Variants in PDGFRB observed in about 807,000 individuals in gnomAD.
The protein encoded by PDGFRB is platelet derived growth factor receptor beta, also known as platelet-derived growth factor receptor beta.
A neutral mutation model predicts 120.2 loss-of-function variants in PDGFRB; 42 were observed. The observed-to-expected ratio is 0.35, with a 90% CI of 0.27 to 0.45. PDGFRB has a LOEUF of 0.45. Among genes scored for constraint, PDGFRB ranks in the 20% least tolerant of loss-of-function variants. PDGFRB has a pLI of 1.00. For synonymous variants in PDGFRB, 586 were observed against 606.8 expected (o/e 0.97, Z 0.50); for missense variants, 1,149 against 1,476.3 (o/e 0.78, Z 3.63).
intron 1 of PDGFRB, among the ~76,000 whole-genome samples, chr5:150,143,366 TG>T (rs1760833305): frequency 6.6e-6 from 1 of 152,170 alleles, no homozygotes; most frequent in South Asian, 2.1e-4. Context: ...AAGAGTGTCT[TG>T]GGAGCACTTT....
At chr5:150,123,672 T>C (rs1760210090) in intron 14 of PDGFRB, among the ~76,000 whole-genome samples, 1 of 152,230 alleles carries the variant, frequency 6.6e-6, no homozygotes, top group Admixed American at 6.5e-5. Context: ...AACGAAAATG[T>C]TGAAATGAGC....
intron 22 of PDGFRB, 22 bp downstream of exon 22, chr5:150,117,596 G>T (rs2113883415): frequency 7.6e-7 from 1 of 1,316,892 alleles, no homozygotes; most frequent in Non-Finnish European, 1.1e-6. Context: ...CAATTTCCTT[G>T]GCCCCAGGCC....
Position 150,151,587 on chromosome 5 carries a change from G to A in PDGFRB, c.-7+3810C>T, listed in dbSNP as rs576649941. ...AAATGGGGAGAGTTTAGCTGGGTGC[G>A]GTGGCTCACGCCTGTAATCCCAGCA... On this transcript the variant is annotated intron_variant, in intron 1 of 22. Coordinates refer to ENST00000261799, the MANE Select transcript of PDGFRB (RefSeq NM_002609.4). Among the ~76,000 whole-genome samples, 8 of 152,172 alleles carry A rather than the reference G, an allele frequency of 5.3e-5. No individual in the cohort carries two copies. The East Asian group carries it at 1.2e-3, about 22-fold the overall frequency.
At chr5:150,122,684 A>G (rs548808004) in intron 15 of PDGFRB, among the ~76,000 whole-genome samples, 1 of 152,238 alleles carries the variant, frequency 6.6e-6, no homozygotes, top group Non-Finnish European at 1.5e-5. Context: ...GCTGATGTGT[A>G]GAGGCTGCAG....
Position 150,123,038 on chromosome 5 carries a change from G to T in PDGFRB, c.2183+4C>A, listed in dbSNP as rs769794327. ...GATTCAGTCCCTGGCCTCCCTCCTGGTACCTGGGCAGGGGGAGCCCAACGG... is the reference window on the plus strand; with the variant it reads ...GATTCAGTCCCTGGCCTCCCTCCTGTTACCTGGGCAGGGGGAGCCCAACGG... On this transcript the variant is annotated splice_donor_region_variant and intron_variant, in intron 15 of 22. Coordinates refer to ENST00000261799, the MANE Select transcript of PDGFRB (RefSeq NM_002609.4). 3.1e-6 allele frequency: 5 copies of T among 1,611,926 alleles called. No homozygotes were observed. In the South Asian group the frequency reaches 5.5e-5, roughly 18 times the overall value.
At chr5:150,118,986 G>A in intron 20 of PDGFRB, 134 bp from the exon 21 acceptor site, 2 of 630,126 alleles carry the variant, frequency 3.2e-6, no homozygotes, top group South Asian at 4.0e-5. Flanking sequence ...TGGTGGCTGG[G>A]TGTATCCAGA....
At chr5:150,149,358 T>C (rs552774660) in intron 1 of PDGFRB, among the ~76,000 whole-genome samples, 2 of 152,272 alleles carry the variant, frequency 1.3e-5, no homozygotes, top group South Asian at 4.1e-4. Flanking sequence ...TTAAAAATTA[T>C]TAACAATTTC....
At chr5:150,136,026 T>C in intron 2 of PDGFRB, 148 bp from the exon 3 acceptor site, 1 of 560,896 alleles carries the variant, frequency 1.8e-6, no homozygotes, top group South Asian at 3.4e-5. Context: ...TCTCCAGCCA[T>C]GGCTCTGAGG....
Position 150,135,898 on chromosome 5 carries a change from A to AGAGG in PDGFRB, c.41-21_41-20insCCTC. The stretch of plus-strand genomic sequence containing the variant: ...GCTCGCCTTTGGGAGAGGAGGTATC[A>AGAGG]GACATCAGGAAACAGGGGCTTCAGC... On this transcript the variant is annotated intron_variant, in intron 2 of 22. Transcript: ENST00000261799. The AGAGG allele has an allele frequency of 6.6e-7, 1 of 1,504,856 alleles. No individual in the cohort carries two copies. The highest frequency in any genetic ancestry group is 8.9e-7 in the Non-Finnish European group (1 of 1,123,780). The allele number at this position is 1,504,856 out of a possible 1,614,324, so 93.2% of individuals were successfully genotyped here. A position where few individuals can be genotyped will look rare whatever the true frequency, so the allele number is the denominator to read the frequency against.
chr5:150,131,520 G>A (rs950301275), intron 8 of PDGFRB, among the ~76,000 whole-genome samples: 26 of 151,982 alleles, frequency 1.7e-4, no homozygotes, highest in African/African-American at 6.0e-4. Flanking sequence ...TTCCTCTCCC[G>A]CAGTGTTAGT....
chr5:150,146,754 T>G (rs1352495903), intron 1 of PDGFRB, among the ~76,000 whole-genome samples: 1 of 152,178 alleles, frequency 6.6e-6, no homozygotes, highest in Non-Finnish European at 1.5e-5. Flanking sequence ...CATGCCAGAC[T>G]GTCTGTCTCC....
At chr5:150,126,279 C>T (rs1760290287) in intron 11 of PDGFRB, among the ~76,000 whole-genome samples, 3 of 152,046 alleles carry the variant, frequency 2.0e-5, no homozygotes, top group Admixed American at 1.3e-4. Context: ...CAGCAGGACC[C>T]GGGGACTTAA....
At position 150,130,648 on chromosome 5, in the gene PDGFRB, G is replaced by C; in HGVS notation, c.1258C>G (p.Leu420Val). Residue 420 changes from leucine to valine, a missense_variant, in exon 9 of 23, where the codon CTG becomes GTG. Physicochemically the swap from Leu to Val is conservative, Grantham distance 32. This residue lies in a region of PDGFRB where 879 missense variants were observed against 1,108.6 expected (regional missense o/e 0.79). Transcript: ENST00000261799. The stretch of plus-strand genomic sequence containing the variant: ...TCAGGGTGGCTCTCACTTAGCTCCA[G>C]CACTCGGACAGGGACTGCATGGAGA... ...QLQINVPVRV[L>V]ELSESHPDSG... 6.2e-7 allele frequency: 1 copy of C among 1,613,198 alleles called. No individual in the cohort carries two copies. The highest frequency in any genetic ancestry group is 8.5e-7 in the Non-Finnish European group (1 of 1,179,804).
chr5:150,149,695 C>G (rs2113931257), intron 1 of PDGFRB, among the ~76,000 whole-genome samples: 1 of 152,330 alleles, frequency 6.6e-6, no homozygotes, highest in South Asian at 2.1e-4. Context: ...CCTTTACCTT[C>G]AATGCTCTGG....
chr5:150,128,060 C>T (rs1371619790), intron 10 of PDGFRB, among the ~76,000 whole-genome samples: 3 of 152,126 alleles, frequency 2.0e-5, no homozygotes, highest in Admixed American at 6.5e-5. Context: ...CTTCTCCTCC[C>T]TCCTCCCGCT....
At chr5:150,146,055 T>G (rs1425163923) in intron 1 of PDGFRB, among the ~76,000 whole-genome samples, 1 of 152,148 alleles carries the variant, frequency 6.6e-6, no homozygotes, top group African/African-American at 2.4e-5. Context: ...ACATTCCCTC[T>G]ATTCACATCT....
At position 150,115,664 on chromosome 5, in the gene PDGFRB, G is replaced by C. The variant is rs1036408387; in HGVS notation, c.*99C>G. The C allele has an allele frequency of 1.7e-6, 2 of 1,172,798 alleles. No homozygotes were observed. The highest frequency in any genetic ancestry group is 2.3e-6 in the Non-Finnish European group (2 of 852,390). The allele number at this position is 1,172,798 out of a possible 1,614,324, so 72.6% of individuals were successfully genotyped here. A position where few individuals can be genotyped will look rare whatever the true frequency, so the allele number is the denominator to read the frequency against. Reference sequence around the variant, plus strand: ...CTTCCAGAAGGGGACAGCTGATAAGGGCAGCCTGGCTGACAGGAAGCCCGG... The same window carrying C: ...CTTCCAGAAGGGGACAGCTGATAAGCGCAGCCTGGCTGACAGGAAGCCCGG... On this transcript the variant is annotated 3_prime_UTR_variant, in exon 23 of 23. Transcript: ENST00000261799.
chr5:150,113,935 C>T lies in PDGFRB; in HGVS notation c.*1828G>A, dbSNP rs1299667751. Reference sequence around the variant, plus strand: ...AACAGCATACAAAATAGCATTTCTGCTGTATAAATGTGAGTTAACGTGAGT... The same window carrying T: ...AACAGCATACAAAATAGCATTTCTGTTGTATAAATGTGAGTTAACGTGAGT... On this transcript the variant is annotated 3_prime_UTR_variant, in exon 23 of 23. Coordinates refer to ENST00000261799, the MANE Select transcript of PDGFRB (RefSeq NM_002609.4). 8.6e-6 allele frequency: 2 copies of T among 233,194 alleles called. No homozygotes were observed. The highest frequency in any genetic ancestry group is 1.1e-4 in the Admixed American group (2 of 17,770). 14.4% of individuals were successfully genotyped at this position (233,194 alleles called of 1,614,324 possible).
At position 150,117,051 on chromosome 5, in the gene PDGFRB, A is replaced by G. The variant is rs577918975; in HGVS notation, c.3137+567T>C. Among the ~76,000 whole-genome samples, 235 of 152,332 alleles carry G rather than the reference A, an allele frequency of 1.5e-3. 1 individual carries two copies. The highest frequency in any genetic ancestry group is 2.0e-3 in the Non-Finnish European group (135 of 68,022). On this transcript the variant is annotated intron_variant, in intron 22 of 22. Transcript: ENST00000261799. ...CCTGCGTGGACATCAAGTCCACACA[A>G]CAGCAGGGTCCTCCTATAAAGCCCC...
Sources: gnomAD v4.1 joint callset for allele counts (sites outside exome capture counted in the v4.1 genomes callset) on GRCh38, gnomAD v4.1.1 for gene constraint, gnomAD v4.1.1 regional missense constraint, MANE v1.5 for transcripts, NCBI Gene and HGNC (gene_info 2026-07-23, HGNC 2026-07-21) for gene names.